Variants in PPP2R2C observed in about 807,000 individuals in gnomAD.
PPP2R2C encodes the protein protein phosphatase 2, regulatory subunit B, gamma.
In PPP2R2C, 10 loss-of-function variants were observed where a neutral mutation model predicts 45.3. The ratio of observed to expected loss-of-function variants is 0.22; its 90% CI spans 0.14 to 0.37. The LOEUF is 0.37. Among genes scored for constraint, PPP2R2C ranks in the 10% least tolerant of loss-of-function variants. The pLI is 1.00. For missense variants in PPP2R2C, 308 were observed against 619.7 expected, an observed-to-expected ratio of 0.50 and a Z score of 5.34; for synonymous variants, 257 against 245.4, an observed-to-expected ratio of 1.05 and a Z score of -0.44.
chr4:6,369,683 C>T (rs1272822522), intron 5 of PPP2R2C, among the ~76,000 whole-genome samples: 1 of 152,146 alleles, frequency 6.6e-6, no homozygotes, highest in Non-Finnish European at 1.5e-5. Context: ...CACACCCATG[C>T]CCTCAGGCAG....
At chr4:6,534,113 C>G (rs1317827640) in intron 2 of PPP2R2C, among the ~76,000 whole-genome samples, 1 of 150,958 alleles carries the variant, frequency 6.6e-6, no homozygotes, top group South Asian at 2.1e-4. Flanking sequence ...CACACACCAA[C>G]ATACACATCA....
At chr4:6,514,628 T>C (rs1199627566) in intron 2 of PPP2R2C, among the ~76,000 whole-genome samples, 1 of 152,206 alleles carries the variant, frequency 6.6e-6, no homozygotes, top group African/African-American at 2.4e-5. Flanking sequence ...TTCTGGAATA[T>C]GCCCAAAGAA....
rs1382412399 is a variant in PPP2R2C, at chr4:6,336,603, ACGATG to A, written c.791-2877_791-2873del. Among the ~76,000 whole-genome samples, 2 of 17,114 alleles carry A rather than the reference ACGATG, an allele frequency of 1.2e-4. 1 individual carries two copies. Among genetic ancestry groups the A allele is most frequent in the Non-Finnish European group, 3.4e-4 (2 of 5,814 alleles). The allele number at this position is 17,114 out of a possible 152,430, so 11.2% of individuals were successfully genotyped here. On this transcript the variant is annotated intron_variant, in intron 6 of 8. Transcript: ENST00000382599. ...ATGCTGTACAGAGTGAGCCCAGTGC[ACGATG>A]AGTGCTGCAGCCCTACTGACTTACT...
intron 2 of PPP2R2C, among the ~76,000 whole-genome samples, chr4:6,521,101 C>T (rs533757914): frequency 1.3e-5 from 2 of 152,200 alleles, no homozygotes; most frequent in African/African-American, 4.8e-5. Flanking sequence ...AAGTAACCAG[C>T]CTGAGGCCAC....
chr4:6,522,128 TC>T (rs1465386552), intron 2 of PPP2R2C, among the ~76,000 whole-genome samples: 1 of 152,134 alleles, frequency 6.6e-6, no homozygotes, highest in Admixed American at 6.5e-5. Context: ...CACAGCTCCC[TC>T]CCACCCACTC....
At chr4:6,421,407 AGTGAGG>A (rs1220270269) in intron 1 of PPP2R2C, among the ~76,000 whole-genome samples, 1 of 152,096 alleles carries the variant, frequency 6.6e-6, no homozygotes, top group African/African-American at 2.4e-5. Flanking sequence ...CCCCAAATGG[AGTGAGG>A]GTTTGTCCTC....
chr4:6,425,024 G>T (rs535826631), intron 1 of PPP2R2C, among the ~76,000 whole-genome samples: 22 of 152,350 alleles, frequency 1.4e-4, no homozygotes, highest in African/African-American at 5.0e-4. Context: ...CCTGAGTGGT[G>T]TGGGCAAAGA....
chr4:6,550,413 C>G (rs1263680723), intron 1 of PPP2R2C, among the ~76,000 whole-genome samples: 1 of 152,176 alleles, frequency 6.6e-6, no homozygotes, highest in Non-Finnish European at 1.5e-5. Flanking sequence ...GGGAAGGCTA[C>G]GCCCAGCTGC....
intron 2 of PPP2R2C, among the ~76,000 whole-genome samples, chr4:6,486,366 T>C (rs967250956): frequency 6.6e-6 from 1 of 152,052 alleles, no homozygotes; most frequent in Non-Finnish European, 1.5e-5. Context: ...GGGTAGCATG[T>C]TCTACAGATA....
chr4:6,394,608 C>T (rs1413681585), intron 1 of PPP2R2C, among the ~76,000 whole-genome samples: 3 of 152,218 alleles, frequency 2.0e-5, no homozygotes, highest in Admixed American at 2.0e-4. Flanking sequence ...TGCCGCAGGG[C>T]TCTGCAAACT....
upstream of PPP2R2C, among the ~76,000 whole-genome samples, chr4:6,473,565 GGAGGGGTAAGTGCAGTGGGGTGACCAGA>G (rs1722029222): frequency 6.6e-6 from 1 of 152,246 alleles, no homozygotes; most frequent in Admixed American, 6.5e-5. Context: ...GGCTTGCCTG[GGAGGGGTAAGTGCAGTGGGGTGACCAGA>G]GCTGCAGGGG....
chr4:6,481,116 G>T (rs184252983), intron 2 of PPP2R2C, among the ~76,000 whole-genome samples: 49 of 152,246 alleles, frequency 3.2e-4, no homozygotes, highest in Non-Finnish European at 5.3e-4. Context: ...CTTCTAATTT[G>T]CTGTTTTTGT....
At chr4:6,338,188 T>A (rs919058708) in intron 6 of PPP2R2C, among the ~76,000 whole-genome samples, 1 of 152,200 alleles carries the variant, frequency 6.6e-6, no homozygotes, top group African/African-American at 2.4e-5. Context: ...CCCCATCACT[T>A]GTGATGGGCC....
At chr4:6,557,091 C>T (rs1292879495) in intron 1 of PPP2R2C, among the ~76,000 whole-genome samples, 1 of 152,162 alleles carries the variant, frequency 6.6e-6, no homozygotes, top group Admixed American at 6.5e-5. Flanking sequence ...GAGGAGGATT[C>T]AAGGTACCAG....
rs143283191 is a variant in PPP2R2C at position 6,470,034 on chromosome 4, T to A, written c.70+2126A>T. On this transcript the variant is annotated intron_variant, in intron 1 of 8. Transcript: ENST00000382599. The stretch of plus-strand genomic sequence containing the variant: ...CCCAGCACACAGCAGGTGCTCAGCA[T>A]CCTTTGGCTGCACGTTAGCAATGCA... Among the ~76,000 whole-genome samples the A allele has an allele frequency of 2.6e-5, 4 of 152,236 alleles. No homozygotes were observed. The East Asian group carries it at 7.7e-4, about 29-fold the overall frequency.
chr4:6,495,129 T>C (rs4234750), intron 2 of PPP2R2C, among the ~76,000 whole-genome samples: 147,074 of 152,320 alleles, frequency 0.97, 71,217 homozygotes, highest in East Asian at 1. Context: ...AGGGGCTACG[T>C]GGCCTCCACA....
At chr4:6,503,598 C>T (rs1723128586) in intron 2 of PPP2R2C, among the ~76,000 whole-genome samples, 1 of 152,072 alleles carries the variant, frequency 6.6e-6, no homozygotes, top group Non-Finnish European at 1.5e-5. Flanking sequence ...CCATAAATAA[C>T]CAATTTGACA....
At chr4:6,540,776 C>T (rs1426658290) in intron 1 of PPP2R2C, among the ~76,000 whole-genome samples, 1 of 152,230 alleles carries the variant, frequency 6.6e-6, no homozygotes. Context: ...CAGGGAGAGA[C>T]TGATGGGGAT....
chr4:6,435,450 A>G (rs908294693), intron 1 of PPP2R2C, among the ~76,000 whole-genome samples: 2 of 152,146 alleles, frequency 1.3e-5, no homozygotes, highest in African/African-American at 4.8e-5. Flanking sequence ...TCCTTAGTCC[A>G]AGGCATTATG....
Sources: gnomAD v4.1 joint callset for allele counts (sites outside exome capture counted in the v4.1 genomes callset) on GRCh38, gnomAD v4.1.1 for gene constraint, MANE v1.5 for transcripts, NCBI Gene and HGNC (gene_info 2026-07-23, HGNC 2026-07-21) for gene names.